The following EPS15 variants were observed in gnomAD, a reference collection of about 807,000 sequenced individuals.
EPS15 encodes the protein epidermal growth factor receptor substrate 15.
A neutral mutation model predicts 113.8 loss-of-function variants in EPS15; 72 were observed. The ratio of observed to expected loss-of-function variants is 0.63; its 90% CI spans 0.52 to 0.77. EPS15 has a LOEUF of 0.77. Ranked by LOEUF, EPS15 falls within the 30% of genes least tolerant of loss-of-function variation. The pLI, the probability that EPS15 is intolerant of heterozygous loss-of-function variation, is 0.00. For synonymous variants in EPS15, 344 were observed against 363.4 expected (o/e 0.95, Z 0.61); for missense variants, 1,048 against 1,045.8 (o/e 1.00, Z -0.03).
intron 1 of EPS15, among the ~76,000 whole-genome samples, chr1:51,498,459 TTA>T (rs1181739502): frequency 2.0e-5 from 3 of 152,186 alleles, no homozygotes; most frequent in African/African-American, 4.8e-5. Context: ...ATTCAATAAA[TTA>T]TATGAGATGT....
chr1:51,460,201 C>T (rs1654337105), intron 8 of EPS15, among the ~76,000 whole-genome samples: 1 of 151,956 alleles, frequency 6.6e-6, no homozygotes, highest in Admixed American at 6.6e-5. Flanking sequence ...ATTAGTAATT[C>T]CTTACCAAAA....
At position 51,392,275 on chromosome 1, in the gene EPS15, C is replaced by T. The variant is rs577264751; in HGVS notation, c.2119+2106G>A. ...GGATTTTCCTTGTCTGTATAATAAA[C>T]ATAATACAAATAATCTAACGTAGTT... On this transcript the variant is annotated intron_variant, in intron 21 of 24. Transcript: ENST00000371733. Among the ~76,000 whole-genome samples the T allele has an allele frequency of 2.6e-5, 4 of 152,236 alleles. No individual in the cohort carries two copies. The South Asian group carries it at 8.3e-4, about 32-fold the overall frequency.
chr1:51,487,032 T>C (rs1644136709), intron 1 of EPS15, among the ~76,000 whole-genome samples: 1 of 152,188 alleles, frequency 6.6e-6, no homozygotes, highest in Admixed American at 6.5e-5. Flanking sequence ...AAATTTTTCC[T>C]GAGCTAACTG....
chr1:51,464,652 T>C lies in EPS15; in HGVS notation c.375+609A>G, dbSNP rs141703561. Among the ~76,000 whole-genome samples, 3 of 152,368 alleles carry C rather than the reference T, an allele frequency of 2.0e-5. No homozygotes were observed. In the East Asian group the frequency reaches 5.8e-4, roughly 29 times the overall value. On this transcript the variant is annotated intron_variant, in intron 6 of 24. Transcript: ENST00000371733. The stretch of plus-strand genomic sequence containing the variant: ...ATATCTCCTAAATTTTTAAAAGTTA[T>C]TAGTGTAACATGAAAAACTATTGTT...
At chr1:51,470,976 T>C (rs1330935111) in intron 4 of EPS15, among the ~76,000 whole-genome samples, 1 of 152,128 alleles carries the variant, frequency 6.6e-6, no homozygotes, top group Non-Finnish European at 1.5e-5. Context: ...CCCAGAGACA[T>C]GAACAGGGAC....
rs1655543153 is a variant in EPS15 at position 51,474,873 on chromosome 1, A to G, written c.76-1925T>C. On this transcript the variant is annotated intron_variant, in intron 2 of 24. Coordinates refer to ENST00000371733, the MANE Select transcript of EPS15 (RefSeq NM_001981.3). ...AAGGCCACGGTGTGTGATGTTCCCCACCCTGTGTCCAAGTGTTTTCATTGT... is the reference window on the plus strand; with the variant it reads ...AAGGCCACGGTGTGTGATGTTCCCCGCCCTGTGTCCAAGTGTTTTCATTGT... 2.7e-5 allele frequency among the ~76,000 whole-genome samples: 3 copies of G among 111,364 alleles called. No homozygotes were observed. In the South Asian group the frequency reaches 9.0e-4, roughly 33 times the overall value. The allele number at this position is 111,364 out of a possible 152,430, so 73.1% of individuals were successfully genotyped here.
At chr1:51,387,335 G>A (rs1434308571) in intron 21 of EPS15, among the ~76,000 whole-genome samples, 1 of 151,916 alleles carries the variant, frequency 6.6e-6, no homozygotes, top group South Asian at 2.1e-4. Context: ...AACATGGAAA[G>A]GAACAACCAG....
In EPS15 at chr1:51,400,958, GATAAA is replaced by G; in HGVS notation, c.1883-10_1883-6del. ...GATCATCCTTGAAAGGATCACCTGT[GATAAA>G]ATAAACACAAAGAAATCCAAATAAC... On this transcript the variant is annotated splice_polypyrimidine_tract_variant and splice_region_variant and intron_variant, in intron 18 of 24. Coordinates refer to ENST00000371733, the MANE Select transcript of EPS15 (RefSeq NM_001981.3). The G allele has an allele frequency of 1.9e-6, 3 of 1,575,230 alleles. No individual in the cohort carries two copies. The highest frequency in any genetic ancestry group is 2.3e-5 in the South Asian group (2 of 86,154).
intron 21 of EPS15, among the ~76,000 whole-genome samples, chr1:51,368,822 CA>C (rs1646572330): frequency 6.6e-6 from 1 of 152,082 alleles, no homozygotes; most frequent in South Asian, 2.1e-4. Context: ...AGGCTGGTCT[CA>C]AACCTCTGAC....
In EPS15 at chr1:51,450,971, CA is replaced by C. The variant is rs554143871; in HGVS notation, c.562-2837del. Among the ~76,000 whole-genome samples the C allele has an allele frequency of 3.2e-4, 49 of 151,702 alleles. 1 individual carries two copies. Among genetic ancestry groups the C allele is most frequent in the African/African-American group, 9.5e-4 (39 of 41,092 alleles). Reference sequence around the variant, plus strand: ...GTGGTGCCTTCAGGCATATAATTGCCAAAACTCATCAAATTATATACTTAAA... The same window carrying C: ...GTGGTGCCTTCAGGCATATAATTGCCAAACTCATCAAATTATATACTTAAA... On this transcript the variant is annotated intron_variant, in intron 8 of 24. Transcript: ENST00000371733.
At chr1:51,474,556 A>G (rs1202407119) in intron 2 of EPS15, among the ~76,000 whole-genome samples, 1 of 152,180 alleles carries the variant, frequency 6.6e-6, no homozygotes, top group Non-Finnish European at 1.5e-5. Context: ...ATAGTTATTT[A>G]CTTGGAATAC....
At position 51,447,034 on chromosome 1, in the gene EPS15, T is replaced by C; in HGVS notation, c.723A>G (p.Gly241=). The C allele has an allele frequency of 6.2e-7, 1 of 1,613,642 alleles. No homozygotes were observed. The change falls in exon 10 of 25, where the codon GGA becomes GGG. Residue 241 remains glycine (G), a synonymous_variant. Coordinates refer to ENST00000371733, the MANE Select transcript of EPS15 (RefSeq NM_001981.3). ...IFLKTDKDMD[G]FVSGLEVREI... is the part of the protein sequence containing the mutation. Reference sequence around the variant, plus strand: ...CACGGACCTCCAATCCAGACACAAATCCGTCCATATCTTTATCAGTTTTCA... The same window carrying C: ...CACGGACCTCCAATCCAGACACAAACCCGTCCATATCTTTATCAGTTTTCA...
At chr1:51,382,436 T>G (rs896220587) in intron 21 of EPS15, 5 of 148,864 alleles carry the variant, frequency 3.4e-5, no homozygotes, top group African/African-American at 1.0e-4. Flanking sequence ...TTTTTTTTTT[T>G]GAGACAGAGT....
At chr1:51,383,066 G>T (rs889419313) in intron 21 of EPS15, among the ~76,000 whole-genome samples, 2 of 152,106 alleles carry the variant, frequency 1.3e-5, no homozygotes, top group Non-Finnish European at 2.9e-5. Flanking sequence ...TATAAGAATG[G>T]TTCAACATAC....
In EPS15 at chr1:51,354,848, GATATTTA is replaced by G. The variant is rs1488508349; in HGVS notation, c.*1845_*1851del. The G allele has an allele frequency of 2.0e-5, 4 of 202,066 alleles. No homozygotes were observed. Among genetic ancestry groups the G allele is most frequent in the Admixed American group, 6.0e-5 (1 of 16,662 alleles). The allele number at this position is 202,066 out of a possible 1,614,324, so 12.5% of individuals were successfully genotyped here. On this transcript the variant is annotated 3_prime_UTR_variant, in exon 25 of 25. Coordinates refer to ENST00000371733, the MANE Select transcript of EPS15 (RefSeq NM_001981.3). ...TGAAAGTTGGTGTTTATAAGTTATA[GATATTTA>G]ATATTTGAGTTTAATTGAAAATTTT...
intron 12 of EPS15, among the ~76,000 whole-genome samples, chr1:51,430,973 TACATACAC>T (rs1651664018): frequency 1.3e-5 from 1 of 74,522 alleles, no homozygotes; most frequent in Non-Finnish European, 2.5e-5. Flanking sequence ...ATACATTACT[TACATACAC>T]ACACACACAC....
At chr1:51,375,965 A>C (rs1646786980) in intron 21 of EPS15, among the ~76,000 whole-genome samples, 1 of 152,260 alleles carries the variant, frequency 6.6e-6, no homozygotes, top group South Asian at 2.1e-4. Flanking sequence ...GCAAGTACTG[A>C]TACAGAAGTT....
Position 51,355,230 on chromosome 1 carries a change from G to A in EPS15, c.*1470C>T. On this transcript the variant is annotated 3_prime_UTR_variant, in exon 25 of 25. Transcript: ENST00000371733. ...GAAAACAAAACAAGCACCATTTCAA[G>A]AAGAAATGAATTGGATATTTTGGAA... 4.5e-6 allele frequency: 1 copy of A among 219,974 alleles called. No individual in the cohort carries two copies. The highest frequency in any genetic ancestry group is 9.1e-6 in the Non-Finnish European group (1 of 109,466). The allele number at this position is 219,974 out of a possible 1,614,324, so 13.6% of individuals were successfully genotyped here. A position where few individuals can be genotyped will look rare whatever the true frequency, so the allele number is the denominator to read the frequency against.
Position 51,363,934 on chromosome 1 carries a change from C to CT in EPS15, c.2290dup (p.Ser764LysfsTer2). On this transcript the variant is annotated frameshift_variant, in exon 23 of 25. Coordinates refer to ENST00000371733, the MANE Select transcript of EPS15 (RefSeq NM_001981.3). LOFTEE classifies it high-confidence loss of function. ...TGGCAGTGCTGGGGGTTCATCTTCACTTTTGACCGATGTTTCCTCAAATAC... is the reference window on the plus strand; with the variant it reads ...TGGCAGTGCTGGGGGTTCATCTTCACTTTTTGACCGATGTTTCCTCAAATAC... 1 of 1,614,030 alleles carries CT rather than the reference C, an allele frequency of 6.2e-7. No individual in the cohort carries two copies. Among genetic ancestry groups the CT allele is most frequent in the Non-Finnish European group, 8.5e-7 (1 of 1,179,956 alleles).
Sources: gnomAD v4.1 joint callset for allele counts (sites outside exome capture counted in the v4.1 genomes callset) on GRCh38, gnomAD v4.1.1 for gene constraint, MANE v1.5 for transcripts, NCBI Gene and HGNC (gene_info 2026-07-23, HGNC 2026-07-21) for gene names.